SEC16A: variants seen among roughly 807,000 people sequenced by gnomAD.
SEC16A encodes the protein protein transport protein Sec16A.
In SEC16A, 110 loss-of-function variants were observed where a neutral mutation model predicts 221.9. The observed-to-expected ratio is 0.50, with a 90% CI of 0.42 to 0.58. The LOEUF (loss-of-function observed/expected upper bound fraction) is 0.58, where lower values mean the gene tolerates loss of function less well. Among genes scored for constraint, SEC16A ranks in the 20% least tolerant of loss-of-function variants. The pLI is 0.00. For synonymous variants in SEC16A, 1,393 were observed against 1,257.7 expected (o/e 1.11, Z -2.28); for missense variants, 3,165 against 3,097.8 (o/e 1.02, Z -0.52).
chr9:136,480,080 G>A (rs939112157), intron 1 of SEC16A, among the ~76,000 whole-genome samples: 1 of 152,158 alleles, frequency 6.6e-6, no homozygotes, highest in Non-Finnish European at 1.5e-5. Flanking sequence ...GCTTCATGGA[G>A]GTTTTAGGCT....
At position 136,441,044 on chromosome 9, in the gene SEC16A, G is replaced by A. The variant is rs1278847896; in HGVS notation, c.*711C>T. On this transcript the variant is annotated 3_prime_UTR_variant, in exon 32 of 32. Coordinates refer to ENST00000684901, the MANE Select transcript of SEC16A (RefSeq NM_014866.2). ...GGCCACACGGTGGGCAGTCCCCAGC[G>A]CTTTGGGTACACAAAATCACCCATG... The A allele has an allele frequency of 2.0e-5, 3 of 152,450 alleles. No individual in the cohort carries two copies. Among genetic ancestry groups the A allele is most frequent in the Admixed American group, 6.5e-5 (1 of 15,290 alleles). The allele number at this position is 152,450 out of a possible 1,614,324, so 9.4% of individuals were successfully genotyped here.
chr9:136,460,291 C>A (rs1318808499), intron 13 of SEC16A, among the ~76,000 whole-genome samples, 168 bp from the exon 14 acceptor site: 1 of 152,076 alleles, frequency 6.6e-6, no homozygotes, highest in African/African-American at 2.4e-5. Flanking sequence ...CCCATCTCTA[C>A]TAAAAATACA....
rs1295937733 is a variant in SEC16A at position 136,441,699 on chromosome 9, C to G, written c.*56G>C. On this transcript the variant is annotated 3_prime_UTR_variant, in exon 32 of 32. Transcript: ENST00000684901. ...GGAGATCGCGGAGGTCGGTCGGGTTCTTCGGGGAGAACAGCAGCGTCAGGG... is the reference window on the plus strand; with the variant it reads ...GGAGATCGCGGAGGTCGGTCGGGTTGTTCGGGGAGAACAGCAGCGTCAGGG... The G allele has an allele frequency of 1.9e-6, 3 of 1,556,468 alleles. No homozygotes were observed. Among genetic ancestry groups the G allele is most frequent in the African/African-American group, 1.4e-5 (1 of 73,790 alleles).
chr9:136,470,722 G>T (rs145388701), intron 4 of SEC16A, among the ~76,000 whole-genome samples: 38 of 152,374 alleles, frequency 2.5e-4, no homozygotes, highest in Non-Finnish European at 3.5e-4. Context: ...GAGGTTCACA[G>T]ACAGAGCCTT....
chr9:136,464,498 A>T lies in SEC16A; in HGVS notation c.4368T>A (p.Pro1456=). Residue 1456 remains proline, a synonymous_variant, in exon 9 of 32, where the codon CCT becomes CCA. Coordinates refer to ENST00000684901, the MANE Select transcript of SEC16A (RefSeq NM_014866.2). ...GAATCACTTTGATAAGCTGACCGCC[A>T]GGGCCAAACCTGGCACAGACATGAG... ...SVPHVCARFG[P]GGQLIKVIPN... is the part of the protein sequence containing the mutation. 1.9e-6 allele frequency: 3 copies of T among 1,612,832 alleles called. No homozygotes were observed. Among genetic ancestry groups the T allele is most frequent in the Non-Finnish European group, 2.5e-6 (3 of 1,178,894 alleles).
Position 136,477,350 on chromosome 9 carries a change from T to A in SEC16A, c.266A>T (p.His89Leu), listed in dbSNP as rs1430051005. The change falls in exon 3 of 32, where the codon CAC (histidine) becomes CTC (leucine). Residue 89 changes from histidine (H) to leucine (L), a missense_variant. Around this residue, in one of 3 missense-constraint regions of SEC16A, gnomAD observed 2,030 missense variants for 1,923.1 expected, o/e 1.06. Transcript: ENST00000684901. ...TGTGTGAGGAACAAGCAAACCGGGG[T>A]GCTGAGAAAACCCTGCGGGGGCTGG... Reference protein sequence around the residue: ...QGPAPAGFSQHPGLLVPHTHA... With the variant: ...QGPAPAGFSQLPGLLVPHTHA... 1.3e-5 allele frequency: 21 copies of A among 1,613,628 alleles called. No homozygotes were observed. The highest frequency in any genetic ancestry group is 1.8e-5 in the Non-Finnish European group (21 of 1,179,828).
chr9:136,447,301 G>A lies in SEC16A; in HGVS notation c.6623C>T (p.Ala2208Val). The change falls in exon 27 of 32, where the codon GCT becomes GTT. Residue 2208 changes from alanine to valine, a missense_variant. Coordinates refer to ENST00000684901, the MANE Select transcript of SEC16A (RefSeq NM_014866.2). This position sits in a 1 kb window ranked among gnomAD's most constrained non-coding sequence, Gnocchi z 5.5. ...NPSGTQRSEP[A>V]LAPADFVAPL... ...AGCGACAAAGTCCGCAGGAGCGAGA[G>A]CCGGCTCGCTCCGCTGGGTCCCGCT... 3 of 1,595,106 alleles carry A rather than the reference G, an allele frequency of 1.9e-6. No individual in the cohort carries two copies. The East Asian group carries it at 6.8e-5, about 36-fold the overall frequency.
In SEC16A at chr9:136,446,938, G is replaced by C. The variant is rs369714442; in HGVS notation, c.6709C>G (p.Pro2237Ala). 17 of 1,613,546 alleles carry C rather than the reference G, an allele frequency of 1.1e-5. No individual in the cohort carries two copies. The highest frequency in any genetic ancestry group is 2.2e-5 in the East Asian group (1 of 44,890). Residue 2237 changes from proline to alanine, a missense_variant, in exon 28 of 32, where the codon CCA becomes GCA. Around this residue, in one of 3 missense-constraint regions of SEC16A, gnomAD observed 1,088 missense variants for 1,089.6 expected, o/e 1.00. Coordinates refer to ENST00000684901, the MANE Select transcript of SEC16A (RefSeq NM_014866.2). ...LFVPTPDAEE[P>A]QLPDGTGREG... ...CTGCCAGTCCCGTCTGGAAGCTGTG[G>C]TTCTTCTGCATCTGGGGATGAGAGA...
chr9:136,476,459 T>C lies in SEC16A; in HGVS notation c.1157A>G (p.Asn386Ser), dbSNP rs759083618. Reference protein sequence around the residue: ...FQGGETENEENLSSEKAGLSG... With the variant: ...FQGGETENEESLSSEKAGLSG... ...TAAGCCTGCTTTTTCAGATGAGAGA[T>C]TCTCCTCATTTTCTGTCTCTCCCCC... is the stretch of plus-strand genomic sequence containing the variant. The change falls in exon 3 of 32, where the codon AAT (asparagine) becomes AGT (serine). Residue 386 changes from asparagine to serine, a missense_variant. Coordinates refer to ENST00000684901, the MANE Select transcript of SEC16A (RefSeq NM_014866.2). 2 of 1,613,096 alleles carry C rather than the reference T, an allele frequency of 1.2e-6. No individual in the cohort carries two copies. The highest frequency in any genetic ancestry group is 2.7e-5 in the African/African-American group (2 of 75,050).
intron 4 of SEC16A, among the ~76,000 whole-genome samples, chr9:136,469,410 G>A (rs981604171): frequency 1.3e-5 from 2 of 152,228 alleles, no homozygotes; most frequent in Non-Finnish European, 2.9e-5. Context: ...AGAAGCACAA[G>A]TTAGTACAAT....
At position 136,457,432 on chromosome 9, in the gene SEC16A, CA is replaced by C. The variant is rs1564482840; in HGVS notation, c.5550+11del. 8.1e-6 allele frequency: 13 copies of C among 1,596,336 alleles called. No homozygotes were observed. Among genetic ancestry groups the C allele is most frequent in the Non-Finnish European group, 1.1e-5 (13 of 1,170,214 alleles). ...AGCACAGCATCCCGAGGACAGGCGC[CA>C]GGGGCAGCACCTGCACAAGCTGGCT... On this transcript the variant is annotated intron_variant, in intron 18 of 31. Coordinates refer to ENST00000684901, the MANE Select transcript of SEC16A (RefSeq NM_014866.2).
chr9:136,473,344 A>C (rs571135465), intron 3 of SEC16A, among the ~76,000 whole-genome samples: 1 of 152,360 alleles, frequency 6.6e-6, no homozygotes, highest in Non-Finnish European at 1.5e-5. Context: ...ACTGGGTTAG[A>C]GGGTAGGAAA....
upstream of SEC16A, chr9:136,484,603 C>T (rs1328386427): frequency 7.4e-7 from 1 of 1,357,992 alleles, no homozygotes. Context: ...CTGAGGTCCT[C>T]CCTGGGTGGG....
At position 136,451,127 on chromosome 9, in the gene SEC16A, A is replaced by C. The variant is rs1423806906; in HGVS notation, c.6312+129T>G. 8 of 934,832 alleles carry C rather than the reference A, an allele frequency of 8.6e-6. 1 individual carries two copies. The Admixed American group carries it at 1.9e-4, about 22-fold the overall frequency. The allele number at this position is 934,832 out of a possible 1,614,324, so 57.9% of individuals were successfully genotyped here. A position where few individuals can be genotyped will look rare whatever the true frequency, so the allele number is the denominator to read the frequency against. Reference sequence around the variant, plus strand: ...ACACCCATCATGCCGTGTGCACTGTAGACACTCGGCTGTTTGTATCAGGAG... The same window carrying C: ...ACACCCATCATGCCGTGTGCACTGTCGACACTCGGCTGTTTGTATCAGGAG... On this transcript the variant is annotated intron_variant, in intron 23 of 31. Coordinates refer to ENST00000684901, the MANE Select transcript of SEC16A (RefSeq NM_014866.2).
At chr9:136,449,855 A>C (rs1287446212) in intron 23 of SEC16A, among the ~76,000 whole-genome samples, 1 of 152,202 alleles carries the variant, frequency 6.6e-6, no homozygotes, top group Non-Finnish European at 1.5e-5. Flanking sequence ...GCAGCCATAA[A>C]AGAAAAATCT....
At chr9:136,483,939 G>A (rs1265930630), upstream of SEC16A, 5 of 301,352 alleles carry the variant, frequency 1.7e-5, no homozygotes, top group African/African-American at 2.3e-5. Context: ...GCCAGTCCCT[G>A]GCCAGCGTCC....
At chr9:136,464,766 T>C (rs1030928771) in intron 8 of SEC16A, among the ~76,000 whole-genome samples, 1 of 152,168 alleles carries the variant, frequency 6.6e-6, no homozygotes, top group African/African-American at 2.4e-5. Flanking sequence ...TCTGAATCAT[T>C]AAGCATGAAA....
At chr9:136,451,667 G>A (rs531309048) in intron 22 of SEC16A, among the ~76,000 whole-genome samples, 15 of 152,334 alleles carry the variant, frequency 9.8e-5, no homozygotes, top group African/African-American at 1.7e-4. Flanking sequence ...TCAGCACTCA[G>A]AATGCAAATG....
rs1300261532 is a variant in SEC16A, at chr9:136,454,169, C to T, written c.6016G>A (p.Gly2006Ser). The change falls in exon 21 of 32, where the codon GGT (glycine) becomes AGT (serine). Residue 2006 changes from glycine to serine, a missense_variant. By Grantham distance (56) the Gly-to-Ser change is moderately conservative (BLOSUM62 0). This residue lies in a region of SEC16A where 1,088 missense variants were observed against 1,089.6 expected (regional missense o/e 1.00). Coordinates refer to ENST00000684901, the MANE Select transcript of SEC16A (RefSeq NM_014866.2). ...CTCCTTTCCTGCAGAGGTGGCACACCAGGTGGGAGGCCAGGCCCGGAGGGC... is the reference window on the plus strand; with the variant it reads ...CTCCTTTCCTGCAGAGGTGGCACACTAGGTGGGAGGCCAGGCCCGGAGGGC... Reference protein sequence around the residue: ...LEPSGPGLPPGVPPLQERRHL... With the variant: ...LEPSGPGLPPSVPPLQERRHL... 2 of 1,557,630 alleles carry T rather than the reference C, an allele frequency of 1.3e-6. No homozygotes were observed. The highest frequency in any genetic ancestry group is 1.4e-5 in the African/African-American group (1 of 73,514).
Sources: gnomAD v4.1 joint callset for allele counts (sites outside exome capture counted in the v4.1 genomes callset) on GRCh38, gnomAD v4.1.1 for gene constraint, gnomAD v4.1.1 regional missense constraint, Gnocchi (gnomAD v3.1) non-coding constraint, MANE v1.5 for transcripts, NCBI Gene and HGNC (gene_info 2026-07-23, HGNC 2026-07-21) for gene names.